Variants in ZNF267 observed in about 807,000 individuals in gnomAD.
The protein encoded by ZNF267 is zinc finger (C2H2).
A neutral mutation model predicts 71.6 loss-of-function variants in ZNF267; 61 were observed. The observed-to-expected ratio is 0.85, with a 90% CI of 0.69 to 1.05. The LOEUF (loss-of-function observed/expected upper bound fraction) is 1.05, where lower values mean the gene tolerates loss of function less well. ZNF267 is among the 50% of genes least tolerant of loss of function. The pLI is 0.00. For synonymous variants in ZNF267, 288 were observed against 293.2 expected (o/e 0.98, Z 0.18); for missense variants, 852 against 870.0 (o/e 0.98, Z 0.26).
chr16:31,899,349 A>G (rs1257038163), intron 3 of ZNF267, among the ~76,000 whole-genome samples: 2 of 152,236 alleles, frequency 1.3e-5, no homozygotes, highest in East Asian at 3.8e-4. Flanking sequence ...ACCACAGTGC[A>G]ATCAAATTAG....
intron 3 of ZNF267, among the ~76,000 whole-genome samples, chr16:31,891,728 A>G (rs2083961822): frequency 6.6e-6 from 1 of 152,252 alleles, no homozygotes; most frequent in Admixed American, 6.5e-5. Flanking sequence ...AGGCCTCCTC[A>G]GCCATGTGGA....
At chr16:31,890,503 A>C (rs2083953070) in intron 3 of ZNF267, among the ~76,000 whole-genome samples, 1 of 152,156 alleles carries the variant, frequency 6.6e-6, no homozygotes. Flanking sequence ...ATCAAAAGTG[A>C]GTCTCTTGTA....
Position 31,915,653 on chromosome 16 carries a change from A to C in ZNF267, c.1404A>C (p.Val468=), listed in dbSNP as rs200494347. Residue 468 remains valine (V), a synonymous_variant, in exon 4 of 4, where the codon GTA becomes GTC. Transcript: ENST00000300870. ...HTGEKLYKCK[V]CSKSYARSSN... is the part of the protein sequence containing the mutation. ...GAGAAAAACTTTACAAATGTAAAGT[A>C]TGTAGCAAATCTTATGCTCGTTCTT... 38 of 1,613,950 alleles carry C rather than the reference A, an allele frequency of 2.4e-5. 1 individual carries two copies. In the African/African-American group the frequency reaches 2.9e-4, roughly 12 times the overall value.
intron 3 of ZNF267, among the ~76,000 whole-genome samples, chr16:31,902,766 T>A (rs2084052363): frequency 6.6e-6 from 1 of 152,206 alleles, no homozygotes; most frequent in African/African-American, 2.4e-5. Flanking sequence ...CCTCTTTTCC[T>A]AATTGAATAC....
chr16:31,903,447 T>G (rs2084059267), intron 3 of ZNF267, among the ~76,000 whole-genome samples: 1 of 152,216 alleles, frequency 6.6e-6, no homozygotes, highest in South Asian at 2.1e-4. Flanking sequence ...AGCTATTAAT[T>G]ATTGCCTCAA....
chr16:31,875,363 T>A (rs1473163554), intron 1 of ZNF267: 1 of 1,248,758 alleles, frequency 8.0e-7, no homozygotes, highest in South Asian at 1.3e-5. Flanking sequence ...AGAAATCTCC[T>A]GGGACACCCT....
chr16:31,915,856 T>A lies in ZNF267; in HGVS notation c.1607T>A (p.Ile536Asn). The change falls in exon 4 of 4, where the codon ATT becomes AAT. Residue 536 changes from isoleucine to asparagine, a missense_variant. Physicochemically the swap from Ile to Asn is moderately radical, Grantham distance 149 (BLOSUM62 -3). Transcript: ENST00000300870. Reference protein sequence around the residue: ...AKPFTCFSNLIVHERIHTGEK... With the variant: ...AKPFTCFSNLNVHERIHTGEK... ...CCTTTTACTTGTTTCTCAAATCTTATTGTGCATGAGAGAATTCATACTGGA... is the reference window on the plus strand; with the variant it reads ...CCTTTTACTTGTTTCTCAAATCTTAATGTGCATGAGAGAATTCATACTGGA... The A allele has an allele frequency of 6.2e-7, 1 of 1,613,462 alleles. No individual in the cohort carries two copies. The highest frequency in any genetic ancestry group is 8.5e-7 in the Non-Finnish European group (1 of 1,179,926).
chr16:31,887,080 CTT>C (rs1269302976), intron 3 of ZNF267, among the ~76,000 whole-genome samples: 1 of 152,118 alleles, frequency 6.6e-6, no homozygotes, highest in African/African-American at 2.4e-5. Flanking sequence ...TTTATTGACT[CTT>C]TGACAGCAGT....
At chr16:31,908,067 T>A (rs1286302902) in intron 3 of ZNF267, among the ~76,000 whole-genome samples, 1 of 151,604 alleles carries the variant, frequency 6.6e-6, no homozygotes, top group Non-Finnish European at 1.5e-5. Flanking sequence ...ATACTAATAA[T>A]AAATACACTA....
Position 31,914,551 on chromosome 16 carries a change from G to A in ZNF267, c.302G>A (p.Arg101Lys). 6.2e-7 allele frequency: 1 copy of A among 1,614,108 alleles called. No individual in the cohort carries two copies. The highest frequency in any genetic ancestry group is 8.5e-7 in the Non-Finnish European group (1 of 1,180,002). ...TEASFQKVIS[R>K]RHGSCDLENL... ...GCTTCATTCCAAAAAGTGATATCGA[G>A]GAGACATGGGAGCTGTGATCTTGAG... Residue 101 changes from arginine to lysine, a missense_variant, in exon 4 of 4, where the codon AGG becomes AAG. By Grantham distance (26) the Arg-to-Lys change is conservative. Transcript: ENST00000300870.
intron 1 of ZNF267, among the ~76,000 whole-genome samples, chr16:31,883,792 G>A (rs1244916205): frequency 6.6e-6 from 1 of 152,196 alleles, no homozygotes; most frequent in African/African-American, 2.4e-5. Context: ...CATCATGCCT[G>A]AATTCTTTCC....
At chr16:31,914,385 C>A (rs1408891541) in intron 3 of ZNF267, 91 bp from the exon 4 acceptor site, 4 of 1,205,108 alleles carry the variant, frequency 3.3e-6, no homozygotes, top group Middle Eastern at 2.9e-4. Context: ...TTGTTGTATT[C>A]TCAACTTAGC....
intron 3 of ZNF267, among the ~76,000 whole-genome samples, chr16:31,891,223 T>C (rs909301452): frequency 6.6e-6 from 1 of 152,206 alleles, no homozygotes; most frequent in African/African-American, 2.4e-5. Flanking sequence ...CCACAGTTTT[T>C]CTCCCTTTCA....
Position 31,915,779 on chromosome 16 carries a change from T to A in ZNF267, c.1530T>A (p.His510Gln). 1 of 1,613,280 alleles carries A rather than the reference T, an allele frequency of 6.2e-7. No homozygotes were observed. The highest frequency in any genetic ancestry group is 8.5e-7 in the Non-Finnish European group (1 of 1,179,984). The change falls in exon 4 of 4, where the codon CAT (histidine) becomes CAA (glutamine). Residue 510 changes from histidine to glutamine, a missense_variant. Physicochemically the swap from His to Gln is conservative, Grantham distance 24 (BLOSUM62 0). Coordinates refer to ENST00000300870, the MANE Select transcript of ZNF267 (RefSeq NM_003414.6). ...GCCGTAGTTCTTGCCTTACTCAACA[T>A]CGGAAAATTCATACTGGAGAAAATC... ...VFSRSSCLTQ[H>Q]RKIHTGENLY...
At chr16:31,908,042 C>CA (rs879257328) in intron 3 of ZNF267, among the ~76,000 whole-genome samples, 197 of 139,150 alleles carry the variant, frequency 1.4e-3, no homozygotes, top group East Asian at 5.0e-3. Context: ...GACTCTGTCT[C>CA]AAAAAAAAAA....
chr16:31,913,136 C>T (rs916646836), intron 3 of ZNF267: 3 of 152,134 alleles, frequency 2.0e-5, no homozygotes, highest in Admixed American at 6.5e-5. Context: ...TGTGTCCACC[C>T]TTGTTGGGAA....
chr16:31,914,634 T>C lies in ZNF267; in HGVS notation c.385T>C (p.Tyr129His). Residue 129 changes from tyrosine to histidine, a missense_variant, in exon 4 of 4, where the codon TAT (tyrosine) becomes CAT (histidine). Transcript: ENST00000300870. ...REECEGHNGCYDEKTFKYDQF... is the reference protein window; with the variant it reads ...REECEGHNGCHDEKTFKYDQF... ...GGAGTGTGAAGGGCACAATGGATGT[T>C]ATGATGAAAAGACTTTTAAATATGA... 1 of 1,614,062 alleles carries C rather than the reference T, an allele frequency of 6.2e-7. No individual in the cohort carries two copies.
intron 3 of ZNF267, among the ~76,000 whole-genome samples, chr16:31,905,766 G>C (rs1313907490): frequency 6.6e-6 from 1 of 152,132 alleles, no homozygotes; most frequent in Non-Finnish European, 1.5e-5. Flanking sequence ...TTGATTGTCT[G>C]ACGCCTTCTT....
At chr16:31,875,064 C>T in intron 1 of ZNF267, 1 of 1,230,886 alleles carries the variant, frequency 8.1e-7, no homozygotes, top group Non-Finnish European at 1.1e-6. Flanking sequence ...AAAAACTGTG[C>T]CTCTTTTTCA....
Sources: allele counts gnomAD v4.1 joint callset (sites outside exome capture counted in the v4.1 genomes callset), GRCh38; gene constraint gnomAD v4.1.1; transcripts MANE v1.5; gene names NCBI Gene and HGNC (gene_info 2026-07-23, HGNC 2026-07-21).